The following BAZ1A variants were observed in gnomAD, a reference collection of about 807,000 sequenced individuals.
BAZ1A encodes bromodomain adjacent to zinc finger domain protein 1A.
In BAZ1A, 50 loss-of-function variants were observed where a neutral mutation model predicts 185.2. The observed-to-expected ratio is 0.27, with a 90% CI of 0.22 to 0.34. The LOEUF (loss-of-function observed/expected upper bound fraction) is 0.34, where lower values mean the gene tolerates loss of function less well. Among genes scored for constraint, BAZ1A ranks in the 10% least tolerant of loss-of-function variants. The pLI is 1.00. For missense variants in BAZ1A, 1,356 were observed against 1,839.9 expected, an observed-to-expected ratio of 0.74 and a Z score of 4.81; for synonymous variants, 571 against 615.6, an observed-to-expected ratio of 0.93 and a Z score of 1.07.
intron 3 of BAZ1A, among the ~76,000 whole-genome samples, chr14:34,860,798 T>C (rs2042757431): frequency 6.6e-6 from 1 of 151,868 alleles, no homozygotes; most frequent in South Asian, 2.1e-4. Context: ...CTCAGGAGGC[T>C]GAGGCATAAG....
At chr14:34,772,105 C>T (rs912685321) in intron 20 of BAZ1A, among the ~76,000 whole-genome samples, 6 of 152,020 alleles carry the variant, frequency 3.9e-5, no homozygotes. Context: ...CAGGTGCCCA[C>T]CACCGTGCCC....
intron 20 of BAZ1A, 119 bp from the exon 21 acceptor site, chr14:34,771,778 C>T (rs755793574): frequency 7.5e-5 from 65 of 868,356 alleles, no homozygotes; most frequent in Non-Finnish European, 1.0e-4. Context: ...TCCTCAATCT[C>T]AAGGAGTTGC....
At chr14:34,783,074 C>G in intron 16 of BAZ1A, 45 bp downstream of exon 16, 1 of 1,400,124 alleles carries the variant, frequency 7.1e-7, no homozygotes, top group Non-Finnish European at 9.9e-7. Flanking sequence ...GGTTTTTATT[C>G]TTTATGTATG....
rs368773164 is a variant in BAZ1A, at chr14:34,874,447, G to A, written c.113+45C>T. On this transcript the variant is annotated intron_variant, in intron 2 of 26. Transcript: ENST00000360310. This position sits in a 1 kb window ranked among gnomAD's most constrained non-coding sequence, Gnocchi z 4.7. The stretch of plus-strand genomic sequence containing the variant: ...GAGAGACAAAAGAGCGCTGCGGGGG[G>A]AGTCCCCACACCCCCCGCGGCCCCG... The A allele has an allele frequency of 6.1e-5, 92 of 1,509,052 alleles. No individual in the cohort carries two copies. The African/African-American group carries it at 8.3e-4, about 14-fold the overall frequency. The allele number at this position is 1,509,052 out of a possible 1,614,324, so 93.5% of individuals were successfully genotyped here.
intron 21 of BAZ1A, among the ~76,000 whole-genome samples, chr14:34,766,738 G>C (rs1433021017): frequency 2.6e-5 from 4 of 152,152 alleles, no homozygotes; most frequent in Non-Finnish European, 4.4e-5. Flanking sequence ...TCAAGTGAAT[G>C]GCAGAAACAA....
chr14:34,852,761 A>T (rs572475307), intron 3 of BAZ1A, among the ~76,000 whole-genome samples: 10 of 152,340 alleles, frequency 6.6e-5, no homozygotes, highest in African/African-American at 2.2e-4. Flanking sequence ...AAGCAACCCT[A>T]TAAGGCGGGG....
At chr14:34,774,740 C>T (rs1316969791) in intron 18 of BAZ1A, among the ~76,000 whole-genome samples, 1 of 152,150 alleles carries the variant, frequency 6.6e-6, no homozygotes, top group African/African-American at 2.4e-5. Context: ...TATGCCACTG[C>T]AATCCAGCCT....
chr14:34,812,429 T>C (rs901288326), intron 4 of BAZ1A, among the ~76,000 whole-genome samples: 5 of 152,082 alleles, frequency 3.3e-5, no homozygotes, highest in African/African-American at 1.2e-4. Context: ...GGATATTGAG[T>C]AGTCACTAGA....
intron 4 of BAZ1A, among the ~76,000 whole-genome samples, chr14:34,818,753 C>T (rs535309763): frequency 2.0e-5 from 3 of 152,196 alleles, no homozygotes; most frequent in East Asian, 1.9e-4. Context: ...AAAGAGAAGC[C>T]GTAAAGTGCT....
At position 34,752,853 on chromosome 14, in the gene BAZ1A, A is replaced by T. The variant is rs1433767107; in HGVS notation, c.*655T>A. 6.6e-6 allele frequency: 1 copy of T among 152,240 alleles called. No individual in the cohort carries two copies. The highest frequency in any genetic ancestry group is 2.4e-5 in the African/African-American group (1 of 41,450). The allele number at this position is 152,240 out of a possible 1,614,324, so 9.4% of individuals were successfully genotyped here. On this transcript the variant is annotated 3_prime_UTR_variant, in exon 27 of 27. Coordinates refer to ENST00000360310, the MANE Select transcript of BAZ1A (RefSeq NM_013448.3). ...GGGAGGGTGTTACTTTTTTTGATTG[A>T]TCATTAAGGAAGTTAGAGGAATAAA...
intron 21 of BAZ1A, among the ~76,000 whole-genome samples, chr14:34,768,244 A>G (rs148364953): frequency 1.5e-3 from 234 of 152,314 alleles, no homozygotes; most frequent in African/African-American, 4.8e-3. Flanking sequence ...GAGACTTCAT[A>G]CTGTTCAATG....
intron 12 of BAZ1A, among the ~76,000 whole-genome samples, chr14:34,791,136 AAAGAG>A (rs1880816981): frequency 9.0e-6 from 1 of 111,102 alleles, no homozygotes; most frequent in African/African-American, 3.2e-5. Context: ...AAAGAAAAGA[AAAGAG>A]AAGAGAAAAG....
chr14:34,808,555 G>A (rs938405058), intron 5 of BAZ1A, among the ~76,000 whole-genome samples: 3 of 151,958 alleles, frequency 2.0e-5, no homozygotes, highest in Non-Finnish European at 2.9e-5. Context: ...ACCAGAAATC[G>A]TATTAAGTGC....
At chr14:34,840,954 A>AC (rs2042405602) in intron 3 of BAZ1A, among the ~76,000 whole-genome samples, 3 of 94,978 alleles carry the variant, frequency 3.2e-5, no homozygotes, top group African/African-American at 1.0e-4. Flanking sequence ...CAAAATCAAT[A>AC]TTTTTTTTTT....
At chr14:34,827,714 A>C (rs1462742115) in intron 3 of BAZ1A, among the ~76,000 whole-genome samples, 1 of 146,430 alleles carries the variant, frequency 6.8e-6, no homozygotes, top group Non-Finnish European at 1.5e-5. Context: ...CAGCCTTGGC[A>C]ACAAAGCAAG....
Position 34,811,137 on chromosome 14 carries a change from T to C in BAZ1A, c.537-101A>G. 6 of 852,000 alleles carry C rather than the reference T, an allele frequency of 7.0e-6. No homozygotes were observed. The South Asian group carries it at 1.1e-4, about 15-fold the overall frequency. The allele number at this position is 852,000 out of a possible 1,614,324, so 52.8% of individuals were successfully genotyped here. A position where few individuals can be genotyped will look rare whatever the true frequency, so the allele number is the denominator to read the frequency against. On this transcript the variant is annotated intron_variant, in intron 4 of 26. Transcript: ENST00000360310. ...AAGAATATACTATAATAAAATCACA[T>C]ATTTCAAAATTTTTTTTTGTTTTTG...
chr14:34,756,410 T>TGGC (rs59210735), intron 25 of BAZ1A, among the ~76,000 whole-genome samples: 31,369 of 148,820 alleles, frequency 0.21, 3,594 homozygotes, highest in Non-Finnish European at 0.26. Flanking sequence ...CCACTGTGCC[T>TGGC]GGCCCTAAAC....
At chr14:34,866,230 T>A (rs2042857238) in intron 2 of BAZ1A, among the ~76,000 whole-genome samples, 1 of 151,808 alleles carries the variant, frequency 6.6e-6, no homozygotes, top group Admixed American at 6.6e-5. Context: ...ACATCTATAA[T>A]CCCACCACTT....
At chr14:34,775,895 A>G in intron 18 of BAZ1A, 24 bp downstream of exon 18, 1 of 1,547,504 alleles carries the variant, frequency 6.5e-7, no homozygotes, top group Non-Finnish European at 8.7e-7. Context: ...AAAAAAGTAA[A>G]AACAATTTTC....
Sources: allele counts gnomAD v4.1 joint callset (sites outside exome capture counted in the v4.1 genomes callset), GRCh38; gene constraint gnomAD v4.1.1; non-coding constraint Gnocchi (gnomAD v3.1); transcripts MANE v1.5; gene names NCBI Gene and HGNC (gene_info 2026-07-23, HGNC 2026-07-21).